The following TBC1D23 variants were observed in gnomAD, a reference collection of about 807,000 sequenced individuals.
TBC1D23 encodes TBC1 domain family member 23.
TBC1D23 carries 55 observed loss-of-function variants against 91.4 expected under a neutral mutation model. The ratio of observed to expected loss-of-function variants is 0.60; its 90% CI spans 0.48 to 0.75. The LOEUF is 0.75. Ranked by LOEUF, TBC1D23 falls within the 30% of genes least tolerant of loss-of-function variation. The pLI is 0.00. For missense variants in TBC1D23, 725 were observed against 836.1 expected (o/e 0.87, Z 1.64); for synonymous variants, 289 against 281.0 (o/e 1.03, Z -0.28).
intron 1 of TBC1D23, among the ~76,000 whole-genome samples, chr3:100,273,407 G>A (rs2067617707): frequency 6.6e-6 from 1 of 152,156 alleles, no homozygotes; most frequent in African/African-American, 2.4e-5. Flanking sequence ...TTTCTACACA[G>A]ACACAGTAAC....
intron 1 of TBC1D23, among the ~76,000 whole-genome samples, chr3:100,274,856 T>A (rs1004234137): frequency 2.7e-5 from 4 of 149,148 alleles, no homozygotes; most frequent in Non-Finnish European, 5.9e-5. Context: ...TATATAATAT[T>A]TGTTTATTAA....
At chr3:100,269,024 T>C (rs751746055) in intron 1 of TBC1D23, among the ~76,000 whole-genome samples, 4 of 152,228 alleles carry the variant, frequency 2.6e-5, no homozygotes, top group Admixed American at 6.5e-5. Context: ...GTTGGTACCA[T>C]TGGTGTAATT....
intron 1 of TBC1D23, chr3:100,279,364 C>T (rs534171430): frequency 2.0e-5 from 5 of 247,686 alleles, no homozygotes; most frequent in Non-Finnish European, 3.9e-5. Flanking sequence ...ACTGTTATTA[C>T]TATGACTTCA....
At chr3:100,322,366 T>C (rs1394333935) in intron 18 of TBC1D23, among the ~76,000 whole-genome samples, 1 of 152,188 alleles carries the variant, frequency 6.6e-6, no homozygotes, top group East Asian at 1.9e-4. Flanking sequence ...GTGCTGAGAT[T>C]ACAGGAGTGA....
At chr3:100,312,202 GC>G (rs1323159490) in intron 15 of TBC1D23, among the ~76,000 whole-genome samples, 3 of 152,176 alleles carry the variant, frequency 2.0e-5, no homozygotes, top group African/African-American at 7.2e-5. Flanking sequence ...TCGCGAGTTG[GC>G]AGGTTATCTG....
At chr3:100,305,542 C>G (rs138538561) in intron 12 of TBC1D23, among the ~76,000 whole-genome samples, 14 of 152,172 alleles carry the variant, frequency 9.2e-5, no homozygotes, top group African/African-American at 1.2e-4. Flanking sequence ...ATGATCAAAT[C>G]AAATCAATAT....
intron 12 of TBC1D23, among the ~76,000 whole-genome samples, chr3:100,305,802 T>A (rs1705507459): frequency 2.0e-5 from 3 of 152,168 alleles, no homozygotes; most frequent in African/African-American, 7.2e-5. Flanking sequence ...CAAAAGGGGT[T>A]ATTTTAATAA....
At chr3:100,287,600 C>G (rs138994573) in intron 4 of TBC1D23, among the ~76,000 whole-genome samples, 2 of 152,216 alleles carry the variant, frequency 1.3e-5, no homozygotes, top group African/African-American at 4.8e-5. Context: ...GTAGTCATAC[C>G]AGTATGAATC....
intron 11 of TBC1D23, among the ~76,000 whole-genome samples, chr3:100,303,410 A>G (rs770817253): frequency 1.2e-4 from 19 of 152,208 alleles, no homozygotes; most frequent in Non-Finnish European, 2.1e-4. Context: ...AAGAGTTTAG[A>G]AGCATACAGA....
chr3:100,301,999 A>T (rs997621810), intron 10 of TBC1D23, 68 bp from the exon 11 acceptor site: 19 of 1,316,732 alleles, frequency 1.4e-5, no homozygotes, highest in Non-Finnish European at 1.9e-5. Context: ...CCTAAAAAAA[A>T]TTTCAAATTT....
intron 1 of TBC1D23, among the ~76,000 whole-genome samples, chr3:100,275,272 T>G (rs1486007031): frequency 1.3e-5 from 2 of 152,106 alleles, no homozygotes; most frequent in Admixed American, 1.3e-4. Flanking sequence ...GTTTGCTTTT[T>G]GAGACAAGGT....
At position 100,283,749 on chromosome 3, in the gene TBC1D23, T is replaced by A; in HGVS notation, c.414T>A (p.Leu138=). 1 of 1,613,642 alleles carries A rather than the reference T, an allele frequency of 6.2e-7. No individual in the cohort carries two copies. The highest frequency in any genetic ancestry group is 2.2e-5 in the East Asian group (1 of 44,864). ...WIHLLKPLVH[L]QLPRSDLYNC... is the part of the protein sequence containing the mutation. ...ATCTACTGAAACCATTGGTGCATCT[T>A]CAACTGCCACGCAGCGATTTATACA... The change falls in exon 4 of 19, where the codon CTT becomes CTA. Residue 138 remains leucine, a synonymous_variant. Transcript: ENST00000394144.
At chr3:100,299,409 A>T in intron 10 of TBC1D23, 78 bp downstream of exon 10, 1 of 804,804 alleles carries the variant, frequency 1.2e-6, no homozygotes, top group Non-Finnish European at 1.9e-6. Flanking sequence ...TAGGTCCCAG[A>T]TTGGGGAATT....
chr3:100,296,466 T>C (rs373355755), intron 8 of TBC1D23, among the ~76,000 whole-genome samples, 191 bp downstream of exon 8: 1 of 152,094 alleles, frequency 6.6e-6, no homozygotes, highest in East Asian at 1.9e-4. Context: ...GTTAAAAAGA[T>C]AGTAGAACGC....
At chr3:100,264,360 TCTG>T (rs2067541598) in intron 1 of TBC1D23, among the ~76,000 whole-genome samples, 1 of 151,044 alleles carries the variant, frequency 6.6e-6, no homozygotes, top group South Asian at 2.1e-4. Flanking sequence ...TTATTTTAAC[TCTG>T]TCAGATGGAA....
At chr3:100,321,783 C>G (rs1361796881) in intron 18 of TBC1D23, among the ~76,000 whole-genome samples, 1 of 150,192 alleles carries the variant, frequency 6.7e-6, no homozygotes, top group African/African-American at 2.5e-5. Flanking sequence ...CATCATGAAT[C>G]TATACTGTTT....
chr3:100,313,615 TTC>T (rs1705669707), intron 15 of TBC1D23, among the ~76,000 whole-genome samples: 3 of 152,184 alleles, frequency 2.0e-5, no homozygotes, highest in African/African-American at 7.2e-5. Context: ...TACTCATACT[TTC>T]TGGTTATTTG....
At chr3:100,306,166 G>T (rs1705514129) in intron 12 of TBC1D23, among the ~76,000 whole-genome samples, 2 of 152,144 alleles carry the variant, frequency 1.3e-5, no homozygotes, top group Non-Finnish European at 2.9e-5. Context: ...TTTCAAAGAA[G>T]AAAACGTAAA....
At chr3:100,301,561 A>G (rs961054848) in intron 10 of TBC1D23, among the ~76,000 whole-genome samples, 13 of 152,088 alleles carry the variant, frequency 8.5e-5, no homozygotes, top group Non-Finnish European at 1.8e-4. Flanking sequence ...CTTTGTAGTT[A>G]TTGTCGTACT....
Sources: allele counts gnomAD v4.1 joint callset (sites outside exome capture counted in the v4.1 genomes callset), GRCh38; gene constraint gnomAD v4.1.1; transcripts MANE v1.5; gene names NCBI Gene and HGNC (gene_info 2026-07-23, HGNC 2026-07-21).